The following NELL1 variants were observed in gnomAD, a reference collection of about 807,000 sequenced individuals.
The protein encoded by NELL1 is protein kinase C-binding protein NELL1.
In NELL1, 76 loss-of-function variants were observed where a neutral mutation model predicts 107.4. That is an observed-to-expected ratio of 0.71 (90% CI 0.59 to 0.86). NELL1 has a LOEUF of 0.86. NELL1 is among the 40% of genes least tolerant of loss of function. The pLI is 0.00. For missense variants in NELL1, 1,024 were observed against 1,005.5 expected (o/e 1.02, Z -0.25); for synonymous variants, 353 against 341.2 (o/e 1.03, Z -0.38).
At chr11:20,735,179 G>A (rs1351639740) in intron 2 of NELL1, among the ~76,000 whole-genome samples, 2 of 152,104 alleles carry the variant, frequency 1.3e-5, no homozygotes, top group African/African-American at 4.8e-5. Flanking sequence ...GTGAGCAGTC[G>A]GGTCAAATGC....
intron 12 of NELL1, among the ~76,000 whole-genome samples, chr11:20,976,936 CT>C (rs1370018648): frequency 6.6e-6 from 1 of 151,658 alleles, no homozygotes; most frequent in Non-Finnish European, 1.5e-5. Context: ...CCATAATTTA[CT>C]GAACCTGTGT....
intron 14 of NELL1, among the ~76,000 whole-genome samples, chr11:21,265,513 A>G (rs545801750): frequency 1.3e-5 from 2 of 152,034 alleles, no homozygotes; most frequent in African/African-American, 2.4e-5. Flanking sequence ...GAGAAATTGC[A>G]TTAATTGTGC....
At chr11:20,969,137 G>A (rs1400393837) in intron 12 of NELL1, among the ~76,000 whole-genome samples, 2 of 152,152 alleles carry the variant, frequency 1.3e-5, no homozygotes, top group African/African-American at 4.8e-5. Context: ...TTGGAGACCA[G>A]ATAGGATTTG....
chr11:20,729,518 G>A (rs149607378), intron 2 of NELL1, among the ~76,000 whole-genome samples: 1 of 151,170 alleles, frequency 6.6e-6, no homozygotes, highest in Admixed American at 6.6e-5. Context: ...TATCATAAAG[G>A]GATGTTGGAT....
intron 16 of NELL1, among the ~76,000 whole-genome samples, chr11:21,536,466 C>T (rs1856141190): frequency 6.6e-6 from 1 of 152,138 alleles, no homozygotes. Context: ...GCTCACGTTT[C>T]ACCAAGTCCC....
intron 14 of NELL1, among the ~76,000 whole-genome samples, chr11:21,274,708 C>T (rs1027812830): frequency 6.6e-6 from 1 of 152,160 alleles, no homozygotes. Context: ...TCTCTCAGGC[C>T]ACAGTGCAAT....
intron 13 of NELL1, among the ~76,000 whole-genome samples, chr11:21,186,911 A>T (rs919053941): frequency 6.6e-6 from 1 of 151,872 alleles, no homozygotes; most frequent in African/African-American, 2.4e-5. Flanking sequence ...ATTTAGATCC[A>T]GGTTGATTTG....
intron 11 of NELL1, among the ~76,000 whole-genome samples, chr11:20,953,221 G>C (rs1851103334): frequency 6.6e-6 from 1 of 152,160 alleles, no homozygotes; most frequent in South Asian, 2.1e-4. Flanking sequence ...TAAGATTTTA[G>C]AATAGAGGAC....
At chr11:21,520,586 A>T (rs1855695710) in intron 15 of NELL1, among the ~76,000 whole-genome samples, 1 of 152,156 alleles carries the variant, frequency 6.6e-6, no homozygotes, top group African/African-American at 2.4e-5. Context: ...AGTTGCATGG[A>T]TCCCATAGAG....
chr11:20,862,605 C>CTTTTTTTTTTTT (rs386373288), intron 4 of NELL1, among the ~76,000 whole-genome samples: 12 of 94,668 alleles, frequency 1.3e-4, no homozygotes, highest in Admixed American at 2.9e-4. Flanking sequence ...TGAGCTGCTG[C>CTTTTTTTTTTTT]TTTTTTTTTT....
At chr11:21,391,772 C>T (rs1484472423) in intron 15 of NELL1, among the ~76,000 whole-genome samples, 1 of 151,534 alleles carries the variant, frequency 6.6e-6, no homozygotes, top group African/African-American at 2.4e-5. Context: ...GAAACTGGGA[C>T]TACATACAGG....
At chr11:21,475,511 G>C (rs888651752) in intron 15 of NELL1, among the ~76,000 whole-genome samples, 2 of 152,138 alleles carry the variant, frequency 1.3e-5, no homozygotes. Context: ...CCCTATGAGT[G>C]AACAAGATAT....
At chr11:21,484,785 C>T (rs1004892567) in intron 15 of NELL1, among the ~76,000 whole-genome samples, 9 of 152,034 alleles carry the variant, frequency 5.9e-5, no homozygotes, top group African/African-American at 2.2e-4. Context: ...AATCAACAGA[C>T]TGATTTGTTT....
chr11:21,388,019 A>C (rs1396107971), intron 15 of NELL1, among the ~76,000 whole-genome samples: 1 of 151,758 alleles, frequency 6.6e-6, no homozygotes. Context: ...TTATGTTTGT[A>C]AAGCTAAGAA....
intron 15 of NELL1, among the ~76,000 whole-genome samples, chr11:21,473,912 G>A (rs527663167): frequency 6.6e-6 from 1 of 152,132 alleles, no homozygotes; most frequent in Non-Finnish European, 1.5e-5. Flanking sequence ...CAAGGTGTCT[G>A]TTCAGATAAT....
At chr11:21,128,426 A>G (rs535851177) in intron 13 of NELL1, among the ~76,000 whole-genome samples, 33 of 152,282 alleles carry the variant, frequency 2.2e-4, no homozygotes, top group South Asian at 4.1e-4. Context: ...TTAAAGTATT[A>G]GGAGTTTCAA....
chr11:21,476,484 A>T (rs1854335772), intron 15 of NELL1, among the ~76,000 whole-genome samples: 1 of 152,146 alleles, frequency 6.6e-6, no homozygotes, highest in Admixed American at 6.6e-5. Flanking sequence ...TTTTTATGAT[A>T]ATATGTTGAT....
chr11:20,892,523 G>T (rs1365205542), intron 5 of NELL1, among the ~76,000 whole-genome samples: 1 of 152,214 alleles, frequency 6.6e-6, no homozygotes, highest in African/African-American at 2.4e-5. Flanking sequence ...ACGATAGTAT[G>T]GTGATTCCTT....
intron 12 of NELL1, among the ~76,000 whole-genome samples, chr11:21,018,333 T>C (rs1852617552): frequency 6.6e-6 from 1 of 152,028 alleles, no homozygotes; most frequent in Non-Finnish European, 1.5e-5. Context: ...CACTTAGCCG[T>C]GGGAATTAGA....
Sources: gnomAD v4.1 joint callset for allele counts (sites outside exome capture counted in the v4.1 genomes callset) on GRCh38, gnomAD v4.1.1 for gene constraint, MANE v1.5 for transcripts, NCBI Gene and HGNC (gene_info 2026-07-23, HGNC 2026-07-21) for gene names.